NKAIN2: variants seen among roughly 807,000 people sequenced by gnomAD.
The protein encoded by NKAIN2 is sodium/potassium transporting ATPase interacting 2.
NKAIN2 carries 14 observed loss-of-function variants against 32.6 expected under a neutral mutation model. The ratio of observed to expected loss-of-function variants is 0.43; its 90% CI spans 0.28 to 0.67. The LOEUF is 0.67. Among genes scored for constraint, NKAIN2 ranks in the 30% least tolerant of loss-of-function variants. NKAIN2 has a pLI of 0.17. For missense variants in NKAIN2, 198 were observed against 258.3 expected (o/e 0.77, Z 1.60); for synonymous variants, 80 against 87.2 (o/e 0.92, Z 0.46).
chr6:124,699,358 A>G (rs1226483686), intron 4 of NKAIN2, among the ~76,000 whole-genome samples: 1 of 152,150 alleles, frequency 6.6e-6, no homozygotes, highest in Non-Finnish European at 1.5e-5. Context: ...GGGGACGGCA[A>G]CCCAGGAAAG....
intron 1 of NKAIN2, among the ~76,000 whole-genome samples, chr6:123,991,427 T>C (rs1471010737): frequency 1.3e-5 from 2 of 151,802 alleles, no homozygotes; most frequent in African/African-American, 2.4e-5. Flanking sequence ...GAAAAAAAGT[T>C]TGGAAGGATC....
At chr6:123,941,400 T>G (rs990611827) in intron 1 of NKAIN2, among the ~76,000 whole-genome samples, 6 of 151,924 alleles carry the variant, frequency 3.9e-5, no homozygotes, top group African/African-American at 1.2e-4. Context: ...TGTACATAAT[T>G]GTATTTGTTG....
At chr6:124,144,391 T>C (rs940519179) in intron 1 of NKAIN2, among the ~76,000 whole-genome samples, 1 of 152,154 alleles carries the variant, frequency 6.6e-6, no homozygotes, top group Non-Finnish European at 1.5e-5. Context: ...TGAGAAATTG[T>C]GGGCTATTAA....
chr6:123,880,794 A>G (rs1773418498), intron 1 of NKAIN2, among the ~76,000 whole-genome samples: 1 of 152,232 alleles, frequency 6.6e-6, no homozygotes, highest in East Asian at 1.9e-4. Context: ...TAACCATAAA[A>G]AATAAAGGTG....
intron 1 of NKAIN2, among the ~76,000 whole-genome samples, chr6:123,820,268 CAG>C (rs1773869307): frequency 6.6e-6 from 1 of 152,184 alleles, no homozygotes; most frequent in Non-Finnish European, 1.5e-5. Flanking sequence ...ACTAGTTACT[CAG>C]AGTTTCTGAT....
At chr6:124,743,874 A>G (rs978263257) in intron 4 of NKAIN2, among the ~76,000 whole-genome samples, 1 of 151,876 alleles carries the variant, frequency 6.6e-6, no homozygotes, top group Non-Finnish European at 1.5e-5. Flanking sequence ...ATTTATTGAT[A>G]TAGACCAAAG....
intron 4 of NKAIN2, among the ~76,000 whole-genome samples, chr6:124,675,894 C>A (rs961721704): frequency 3.4e-5 from 5 of 146,970 alleles, no homozygotes; most frequent in African/African-American, 1.2e-4. Context: ...CCTTCTTTTT[C>A]TGGTTCTTTG....
intron 1 of NKAIN2, among the ~76,000 whole-genome samples, chr6:123,945,803 A>G (rs775164828): frequency 5.3e-5 from 8 of 152,146 alleles, no homozygotes; most frequent in Non-Finnish European, 1.0e-4. Context: ...TTTCAATCAG[A>G]TATAATTCAA....
rs565451217 is a variant in NKAIN2, at chr6:124,429,622, G to A, written c.273+74275G>A. On this transcript the variant is annotated intron_variant, in intron 3 of 6. Transcript: ENST00000368417. ...GACTGTATTTGGCTTTGTAGTTGGT[G>A]TTTTTCATAGGCTTGTGGAATGAAG... Among the ~76,000 whole-genome samples the A allele has an allele frequency of 1.1e-4, 16 of 152,250 alleles. No individual in the cohort carries two copies. The South Asian group carries it at 2.7e-3, about 26-fold the overall frequency.
chr6:124,351,479 G>C (rs1445275978), intron 2 of NKAIN2, among the ~76,000 whole-genome samples: 2 of 148,670 alleles, frequency 1.3e-5, no homozygotes, highest in Non-Finnish European at 3.0e-5. Flanking sequence ...CAGCCGGGGT[G>C]GCAGAGTGAG....
intron 3 of NKAIN2, among the ~76,000 whole-genome samples, chr6:124,486,436 G>A (rs527384281): frequency 6.6e-5 from 10 of 152,152 alleles, no homozygotes; most frequent in South Asian, 2.1e-4. Flanking sequence ...TTTAGTAAGC[G>A]TTTGTGTTTC....
chr6:124,192,946 T>C (rs1021913385), intron 1 of NKAIN2, among the ~76,000 whole-genome samples: 1 of 152,040 alleles, frequency 6.6e-6, no homozygotes, highest in African/African-American at 2.4e-5. Flanking sequence ...AGACGGGGTT[T>C]CACCGTGTTA....
intron 3 of NKAIN2, among the ~76,000 whole-genome samples, chr6:124,583,550 G>A (rs144468165): frequency 1.8e-4 from 27 of 152,188 alleles, no homozygotes; most frequent in African/African-American, 5.8e-4. Flanking sequence ...TACATAAAGC[G>A]ATCTAGAGTT....
At chr6:124,362,304 T>G (rs1799323614) in intron 3 of NKAIN2, among the ~76,000 whole-genome samples, 1 of 152,124 alleles carries the variant, frequency 6.6e-6, no homozygotes, top group Non-Finnish European at 1.5e-5. Context: ...GGAAAGATAT[T>G]CGACCTATTA....
intron 3 of NKAIN2, among the ~76,000 whole-genome samples, chr6:124,417,024 A>T (rs1025490876): frequency 6.6e-6 from 1 of 152,212 alleles, no homozygotes; most frequent in Non-Finnish European, 1.5e-5. Context: ...GAGGTCCAGA[A>T]TCTTATAACA....
In NKAIN2 at chr6:123,931,011, C is replaced by T. The variant is rs190483035; in HGVS notation, c.54+126757C>T. On this transcript the variant is annotated intron_variant, in intron 1 of 6. Transcript: ENST00000368417. ...AAAATAACTAACTGTGTTTTGCCTG[C>T]GATGAAGGCGGGGCAGGTGTTCAGG... Among the ~76,000 whole-genome samples, 42 of 151,908 alleles carry T rather than the reference C, an allele frequency of 2.8e-4. No homozygotes were observed. The East Asian group carries it at 5.4e-3, about 20-fold the overall frequency.
intron 3 of NKAIN2, among the ~76,000 whole-genome samples, chr6:124,488,733 G>C (rs1777748807): frequency 6.6e-6 from 1 of 151,948 alleles, no homozygotes; most frequent in East Asian, 1.9e-4. Flanking sequence ...TTTTGATAGA[G>C]AAAACCATGA....
intron 3 of NKAIN2, among the ~76,000 whole-genome samples, chr6:124,452,620 G>C (rs1438144006): frequency 6.6e-6 from 1 of 152,008 alleles, no homozygotes; most frequent in Non-Finnish European, 1.5e-5. Context: ...AGTTAGTTTA[G>C]AATAAGTGCA....
chr6:124,357,934 C>G (rs79765762), intron 3 of NKAIN2, among the ~76,000 whole-genome samples: 1 of 152,000 alleles, frequency 6.6e-6, no homozygotes, highest in African/African-American at 2.4e-5. Context: ...CCAACCCGCA[C>G]GCCACAACAG....
Sources: gnomAD v4.1 joint callset for allele counts (sites outside exome capture counted in the v4.1 genomes callset) on GRCh38, gnomAD v4.1.1 for gene constraint, MANE v1.5 for transcripts, NCBI Gene and HGNC (gene_info 2026-07-23, HGNC 2026-07-21) for gene names.